TENM3: variants seen among roughly 807,000 people sequenced by gnomAD.
TENM3 encodes teneurin transmembrane protein 3, also known as teneurin-3.
TENM3 carries 63 observed loss-of-function variants against 255.1 expected under a neutral mutation model. The ratio of observed to expected loss-of-function variants is 0.25; its 90% CI spans 0.20 to 0.30. The LOEUF (loss-of-function observed/expected upper bound fraction) is 0.30. TENM3 is among the 10% of genes least tolerant of loss of function. The pLI, the probability that TENM3 is intolerant of heterozygous loss-of-function variation, is 1.00. For missense variants in TENM3, 2,929 were observed against 3,461.1 expected (o/e 0.85, Z 3.86); for synonymous variants, 1,306 against 1,322.3 (o/e 0.99, Z 0.27).
intron 3 of TENM3, chr4:182,449,216 G>GCTCC (rs1773238909): frequency 5.6e-5 from 1 of 17,896 alleles, no homozygotes; most frequent in Non-Finnish European, 9.3e-5. Context: ...TGGTGGCGGC[G>GCTCC]GCGGCGGCGG....
the TENM3 span, among the ~76,000 whole-genome samples, chr4:182,064,105 T>C: frequency 6.6e-6 from 1 of 151,858 alleles, no homozygotes; most frequent in Non-Finnish European, 1.5e-5. Flanking sequence ...CTCAGTCTCC[T>C]CAACCGTGTA....
At chr4:182,675,572 A>C (rs1755602529) in intron 7 of TENM3, among the ~76,000 whole-genome samples, 1 of 152,080 alleles carries the variant, frequency 6.6e-6, no homozygotes, top group East Asian at 1.9e-4. Flanking sequence ...AGATTTTCTT[A>C]AGTGGAAGTC....
intron 19 of TENM3, chr4:182,744,093 CTTTTTTT>C (rs957977132): frequency 6.7e-6 from 3 of 448,208 alleles, no homozygotes; most frequent in Non-Finnish European, 5.4e-6. Flanking sequence ...ACTGTGCTTT[CTTTTTTT>C]TTTTTTTTTT....
upstream of TENM3, among the ~76,000 whole-genome samples, chr4:182,241,461 A>AT (rs112128988): frequency 0.21 from 31,224 of 145,796 alleles, 4,546 homozygotes; most frequent in African/African-American, 0.42. Context: ...GGCTCCATTA[A>AT]TTTTTTTCCA....
the TENM3 span, among the ~76,000 whole-genome samples, chr4:181,904,037 A>G: frequency 6.6e-6 from 1 of 151,982 alleles, no homozygotes; most frequent in Admixed American, 6.5e-5. Context: ...CTCCTCTTGG[A>G]TGTTCTTTGG....
chr4:181,470,648 T>G, the TENM3 span, among the ~76,000 whole-genome samples: 1 of 152,174 alleles, frequency 6.6e-6, no homozygotes, highest in East Asian at 1.9e-4. Context: ...AAATCTTGGA[T>G]TTAAACGTCT....
the TENM3 span, among the ~76,000 whole-genome samples, chr4:182,052,469 T>C: frequency 6.6e-6 from 1 of 152,140 alleles, no homozygotes; most frequent in Non-Finnish European, 1.5e-5. Context: ...GCATTGTTTC[T>C]CAAGGGCCAG....
At chr4:182,002,206 C>T in the TENM3 span, among the ~76,000 whole-genome samples, 1 of 152,028 alleles carries the variant, frequency 6.6e-6, no homozygotes, top group Non-Finnish European at 1.5e-5. Flanking sequence ...AAGTTTTTCT[C>T]CAAGACAGAA....
chr4:182,283,736 T>A (rs529389215), intron 1 of TENM3, among the ~76,000 whole-genome samples: 19 of 152,202 alleles, frequency 1.2e-4, no homozygotes, highest in Non-Finnish European at 2.6e-4. Flanking sequence ...CTCTCTGAGA[T>A]TTGCCTTGAA....
the TENM3 span, among the ~76,000 whole-genome samples, chr4:181,958,338 T>G: frequency 6.6e-6 from 1 of 152,178 alleles, no homozygotes; most frequent in Admixed American, 6.5e-5. Context: ...TGTTTGTTTG[T>G]TTTTGCTTTT....
At chr4:181,979,146 ATATATATAT>A in the TENM3 span, among the ~76,000 whole-genome samples, 3 of 77,876 alleles carry the variant, frequency 3.9e-5, no homozygotes, top group East Asian at 1.2e-3. Flanking sequence ...ATATATATAT[ATATATATAT>A]GACATCTTTG....
the TENM3 span, among the ~76,000 whole-genome samples, chr4:181,903,257 T>TA: frequency 1.3e-5 from 2 of 152,078 alleles, no homozygotes; most frequent in African/African-American, 4.8e-5. Context: ...TGTATATATA[T>TA]TTGCTATGAT....
chr4:181,654,236 A>C, the TENM3 span, among the ~76,000 whole-genome samples: 1 of 148,146 alleles, frequency 6.8e-6, no homozygotes, highest in African/African-American at 2.6e-5. Context: ...TCAGGAAAAA[A>C]AAAAAAAAAA....
the TENM3 span, among the ~76,000 whole-genome samples, chr4:181,705,106 G>C: frequency 2.0e-5 from 3 of 151,330 alleles, no homozygotes; most frequent in African/African-American, 7.3e-5. Flanking sequence ...ATTGGACATA[G>C]GGTGGGTAGA....
chr4:182,438,621 G>A (rs1772222786), intron 3 of TENM3, among the ~76,000 whole-genome samples: 1 of 152,056 alleles, frequency 6.6e-6, no homozygotes, highest in African/African-American at 2.4e-5. Context: ...AACAACCACT[G>A]TAGAATACAA....
chr4:181,570,634 AAGAG>A, the TENM3 span, among the ~76,000 whole-genome samples: 370 of 147,588 alleles, frequency 2.5e-3, 2 homozygotes, highest in East Asian at 8.2e-3. Flanking sequence ...AAAGGAAAGA[AAGAG>A]AGAGAGAGAA....
chr4:182,560,607 G>A (rs1484413291), intron 3 of TENM3, among the ~76,000 whole-genome samples: 1 of 152,114 alleles, frequency 6.6e-6, no homozygotes, highest in Non-Finnish European at 1.5e-5. Context: ...TGCCTGCTCT[G>A]TTCTTGAACA....
At chr4:181,941,718 T>C in the TENM3 span, among the ~76,000 whole-genome samples, 52,305 of 151,972 alleles carry the variant, frequency 0.34, 9,586 homozygotes, top group African/African-American at 0.46. Flanking sequence ...GTTTTGTTGT[T>C]GTTGCTGTGG....
chr4:182,127,221 G>A, the TENM3 span, among the ~76,000 whole-genome samples: 1 of 152,096 alleles, frequency 6.6e-6, no homozygotes, highest in Non-Finnish European at 1.5e-5. Flanking sequence ...TATATGTAAG[G>A]CAGACATCTA....
Sources: allele counts gnomAD v4.1 joint callset (sites outside exome capture counted in the v4.1 genomes callset), GRCh38; gene constraint gnomAD v4.1.1; transcripts MANE v1.5; gene names NCBI Gene and HGNC (gene_info 2026-07-23, HGNC 2026-07-21).